LINGO3: variants seen among roughly 807,000 people sequenced by gnomAD.
The protein encoded by LINGO3 is leucine-rich repeat and immunoglobulin-like domain-containing nogo receptor-interacting protein 3.
For missense variants in LINGO3, 750 were observed against 867.7 expected, an observed-to-expected ratio of 0.86 and a Z score of 1.70; for synonymous variants, 427 against 444.2, an observed-to-expected ratio of 0.96 and a Z score of 0.49.
exon 1 of LINGO3, chr19:2,291,526 T>A (rs762991714): frequency 6.2e-7 from 1 of 1,606,188 alleles, no homozygotes; most frequent in Non-Finnish European, 8.5e-7. Context: ...CTCGCTCAGG[T>A]CCAGCTCCTC....
rs1287733395 is a variant in LINGO3 at position 2,290,415 on chromosome 19, C to T, written c.1362G>A (p.Ala454=). 1.4e-6 allele frequency: 2 copies of T among 1,422,022 alleles called. No homozygotes were observed. The highest frequency in any genetic ancestry group is 1.5e-5 in the African/African-American group (1 of 66,580). The allele number at this position is 1,422,022 out of a possible 1,614,324, so 88.1% of individuals were successfully genotyped here. Reference sequence around the variant, plus strand: ...CCCCGGGGAGCACGCGCGCCCGGCCCGCGCTGGTGGCCGTCACCGGCCGGT... The same window carrying T: ...CCCCGGGGAGCACGCGCGCCCGGCCTGCGCTGGTGGCCGTCACCGGCCGGT... The change falls in exon 1 of 1, where the codon GCG becomes GCA. Residue 454 remains alanine (A), a synonymous_variant. Coordinates refer to ENST00000585527, the Ensembl canonical transcript of LINGO3. The surrounding 1 kb of genome is among the most constrained non-coding windows in gnomAD (Gnocchi z 6.0).
chr19:2,289,517 C>T (rs1878570191), downstream of LINGO3, among the ~76,000 whole-genome samples: 2 of 152,078 alleles, frequency 1.3e-5, no homozygotes, highest in Non-Finnish European at 2.9e-5. Flanking sequence ...TCTGCGCACC[C>T]TCCCCTTGGG....
chr19:2,305,676 G>T, the LINGO3 span, among the ~76,000 whole-genome samples: 2 of 152,206 alleles, frequency 1.3e-5, no homozygotes, highest in African/African-American at 4.8e-5. Context: ...GGGGGCAGGA[G>T]TGAGAAGTGT....
Position 2,290,506 on chromosome 19 carries a change from T to C in LINGO3, c.1271A>G (p.Asp424Gly). The stretch of plus-strand genomic sequence containing the variant: ...CTCGGCGCGGCAGAGGAAGCGGACG[T>C]CTTCGCCCGCGGTGGCCGTGACGCG... Residue 424 changes from aspartate (D) to glycine (G), a missense_variant, in exon 1 of 1, where the codon GAC (aspartate) becomes GGC (glycine). Physicochemically the swap from Asp to Gly is moderately conservative, Grantham distance 94. Coordinates refer to ENST00000585527, the Ensembl canonical transcript of LINGO3. The surrounding 1 kb of genome is among the most constrained non-coding windows in gnomAD (Gnocchi z 6.0). 6.7e-7 allele frequency: 1 copy of C among 1,503,494 alleles called. No homozygotes were observed. The highest frequency in any genetic ancestry group is 1.2e-5 in the South Asian group (1 of 80,444). 93.1% of individuals were successfully genotyped at this position (1,503,494 alleles called of 1,614,324 possible). A position where few individuals can be genotyped will look rare whatever the true frequency, so the allele number is the denominator to read the frequency against.
At chr19:2,291,276 G>C (rs1362860781) in exon 1 of LINGO3, 2 of 1,612,338 alleles carry the variant, frequency 1.2e-6, no homozygotes, top group Non-Finnish European at 1.7e-6. Context: ...CGAAGGCGCG[G>C]CGCGAGACGA....
downstream of LINGO3, among the ~76,000 whole-genome samples, chr19:2,287,729 G>C (rs1234410097): frequency 6.6e-6 from 1 of 152,162 alleles, no homozygotes; most frequent in Non-Finnish European, 1.5e-5. The surrounding 1 kb of genome is among the most constrained non-coding windows in gnomAD (Gnocchi z 4.5). Context: ...CCTGGCCTCT[G>C]AATACAGGGT....
chr19:2,293,775 G>A (rs1246631472), upstream of LINGO3, among the ~76,000 whole-genome samples: 4 of 151,946 alleles, frequency 2.6e-5, no homozygotes, highest in Middle Eastern at 3.4e-3. Flanking sequence ...GTTCAAGGCC[G>A]GGCGCGGTGG....
At chr19:2,304,394 G>C in the LINGO3 span, among the ~76,000 whole-genome samples, 1 of 152,194 alleles carries the variant, frequency 6.6e-6, no homozygotes, top group Non-Finnish European at 1.5e-5. Flanking sequence ...CCCACAGCCA[G>C]CCGGTTCTAA....
At chr19:2,287,331 G>T (rs2025477769), downstream of LINGO3, among the ~76,000 whole-genome samples, 1 of 151,994 alleles carries the variant, frequency 6.6e-6, no homozygotes, top group South Asian at 2.1e-4. The surrounding 1 kb of genome is among the most constrained non-coding windows in gnomAD (Gnocchi z 4.5). Context: ...GGCCGAGAAT[G>T]CACCCCCTCC....
At chr19:2,292,169 C>G (rs1453394296), upstream of LINGO3, 1 of 224,146 alleles carries the variant, frequency 4.5e-6, no homozygotes, top group Non-Finnish European at 8.7e-6. Context: ...GCCTGGGCAA[C>G]ACGGTGAGAC....
chr19:2,297,066 T>C, the LINGO3 span, among the ~76,000 whole-genome samples: 6 of 150,820 alleles, frequency 4.0e-5, 1 homozygote, highest in Admixed American at 3.3e-4. Flanking sequence ...CACTCCAACC[T>C]GGGCGACAGA....
At position 2,290,307 on chromosome 19, in the gene LINGO3, G is replaced by C. The variant is rs1299340313; in HGVS notation, c.1470C>G (p.Thr490=). Residue 490 remains threonine, a synonymous_variant, in exon 1 of 1, where the codon ACC becomes ACG. Transcript: ENST00000585527. The surrounding 1 kb of genome is among the most constrained non-coding windows in gnomAD (Gnocchi z 6.0). ...GGCGCACGGTCAGCGTGGCGAAGTA[G>C]GTGTCGTTGCCGCCCGCGTTGCTGG... is the stretch of plus-strand genomic sequence containing the variant. The C allele has an allele frequency of 6.4e-7, 1 of 1,570,468 alleles. No homozygotes were observed. Among genetic ancestry groups the C allele is most frequent in the Non-Finnish European group, 8.6e-7 (1 of 1,164,634 alleles).
chr19:2,296,258 G>A (rs542664169), upstream of LINGO3, among the ~76,000 whole-genome samples: 20 of 152,176 alleles, frequency 1.3e-4, no homozygotes, highest in African/African-American at 4.8e-4. Context: ...CCGCTCCACA[G>A]TGTTTACAAA....
At chr19:2,302,837 C>T in the LINGO3 span, among the ~76,000 whole-genome samples, 5 of 152,168 alleles carry the variant, frequency 3.3e-5, no homozygotes, top group Non-Finnish European at 5.9e-5. Flanking sequence ...GGGGGTCTGT[C>T]CTGAACAGGT....
At chr19:2,306,658 GGGGTGGATCTGAGAGAGGGGACGTCA>G in the LINGO3 span, among the ~76,000 whole-genome samples, 24 of 152,144 alleles carry the variant, frequency 1.6e-4, no homozygotes, top group African/African-American at 5.3e-4. Context: ...AATCCCATGT[GGGGTGGATCTGAGAGAGGGGACGTCA>G]TTTGCCGGAA....
At position 2,290,579 on chromosome 19, in the gene LINGO3, C is replaced by T. The variant is rs1470502727; in HGVS notation, c.1198G>A (p.Glu400Lys). Residue 400 changes from glutamate (E) to lysine (K), a missense_variant, in exon 1 of 1, where the codon GAG (glutamate) becomes AAG (lysine). Physicochemically the swap from Glu to Lys is moderately conservative, Grantham distance 56. Transcript: ENST00000585527. This position sits in a 1 kb window ranked among gnomAD's most constrained non-coding sequence, Gnocchi z 6.0. The stretch of plus-strand genomic sequence containing the variant: ...TTGGGTTTGCGGCACACGAAGTACT[C>T]GAACAGCACGGAGTCCGGCAGGTTT... The T allele has an allele frequency of 6.4e-6, 10 of 1,572,616 alleles. No homozygotes were observed. The highest frequency in any genetic ancestry group is 8.6e-6 in the Non-Finnish European group (10 of 1,165,994).
At position 2,290,563 on chromosome 19, in the gene LINGO3, C is replaced by A. The variant is rs868454808; in HGVS notation, c.1214G>T (p.Arg405Leu). The A allele has an allele frequency of 1.3e-6, 2 of 1,551,952 alleles. No homozygotes were observed. The highest frequency in any genetic ancestry group is 2.3e-5 in the South Asian group (2 of 85,932). ...CCGCCGCTCCCGGATCTTGGGTTTG[C>A]GGCACACGAAGTACTCGAACAGCAC... Residue 405 changes from arginine to leucine, a missense_variant, in exon 1 of 1, where the codon CGC (arginine) becomes CTC (leucine). By Grantham distance (102) the Arg-to-Leu change is moderately radical. Coordinates refer to ENST00000585527, the Ensembl canonical transcript of LINGO3. This position sits in a 1 kb window ranked among gnomAD's most constrained non-coding sequence, Gnocchi z 6.0.
At chr19:2,294,630 AG>A (rs1032076556), upstream of LINGO3, among the ~76,000 whole-genome samples, 1 of 149,542 alleles carries the variant, frequency 6.7e-6, no homozygotes, top group Non-Finnish European at 1.5e-5. The surrounding 1 kb of genome is among the most constrained non-coding windows in gnomAD (Gnocchi z 4.3). Flanking sequence ...CTGGGTTAGG[AG>A]GGGCCTCTGG....
Position 2,290,950 on chromosome 19 carries a change from T to C in LINGO3, c.827A>G (p.Asn276Ser), listed in dbSNP as rs531889983. The change falls in exon 1 of 1, where the codon AAT becomes AGT. Residue 276 changes from asparagine (N) to serine (S), a missense_variant. By Grantham distance (46) the Asn-to-Ser change is conservative (BLOSUM62 1). Transcript: ENST00000585527. The surrounding 1 kb of genome is among the most constrained non-coding windows in gnomAD (Gnocchi z 6.0). ...CGTGCTGATGGGGTTGTGCGACAGATTGAGGCAGGTGAGGTGCGCCTGGTG... is the reference window on the plus strand; with the variant it reads ...CGTGCTGATGGGGTTGTGCGACAGACTGAGGCAGGTGAGGTGCGCCTGGTG... 3.7e-6 allele frequency: 6 copies of C among 1,611,790 alleles called. No homozygotes were observed. The highest frequency in any genetic ancestry group is 1.3e-5 in the African/African-American group (1 of 74,990).
Sources: allele counts gnomAD v4.1 joint callset (sites outside exome capture counted in the v4.1 genomes callset), GRCh38; gene constraint gnomAD v4.1.1; non-coding constraint Gnocchi (gnomAD v3.1); transcripts MANE v1.5; gene names NCBI Gene and HGNC (gene_info 2026-07-23, HGNC 2026-07-21).